RHPN2: variants seen among roughly 807,000 people sequenced by gnomAD.
The protein encoded by RHPN2 is rhophilin-2.
RHPN2 carries 40 observed loss-of-function variants against 79.0 expected under a neutral mutation model. The ratio of observed to expected loss-of-function variants is 0.51; its 90% CI spans 0.39 to 0.66. The LOEUF is 0.66. Ranked by LOEUF, RHPN2 falls within the 30% of genes least tolerant of loss-of-function variation. The pLI, the probability that RHPN2 is intolerant of heterozygous loss-of-function variation, is 0.00. For synonymous variants in RHPN2, 285 were observed against 363.5 expected (o/e 0.78, Z 2.46); for missense variants, 686 against 883.5 (o/e 0.78, Z 2.83).
At chr19:33,005,607 C>CAAA (rs576054331) in intron 7 of RHPN2, among the ~76,000 whole-genome samples, 29 of 62,452 alleles carry the variant, frequency 4.6e-4, no homozygotes, top group East Asian at 2.5e-3. Flanking sequence ...TGTTGCTGAG[C>CAAA]AAAAAAAAAA....
chr19:33,029,008 C>T (rs117574878), intron 2 of RHPN2, among the ~76,000 whole-genome samples: 2,023 of 151,858 alleles, frequency 0.013, 23 homozygotes, highest in Non-Finnish European at 0.022. Flanking sequence ...GGAGTGGTGG[C>T]GGACACCTAT....
At chr19:32,990,167 G>GAAAAAGAAAGAAAGAA (rs1491437447) in intron 14 of RHPN2, among the ~76,000 whole-genome samples, 4 of 144,898 alleles carry the variant, frequency 2.8e-5, no homozygotes, top group Admixed American at 1.4e-4. Context: ...GAAAGAAAGA[G>GAAAAAGAAAGAAAGAA]CGAGCCAGGG....
chr19:33,020,868 G>A (rs10409247), intron 4 of RHPN2, among the ~76,000 whole-genome samples: 34,912 of 152,088 alleles, frequency 0.23, 4,400 homozygotes, highest in African/African-American at 0.34. Flanking sequence ...ACAAGAATGC[G>A]CAGATGGACA....
At chr19:33,005,144 T>C (rs2145233358) in intron 7 of RHPN2, among the ~76,000 whole-genome samples, 1 of 151,802 alleles carries the variant, frequency 6.6e-6, no homozygotes, top group Non-Finnish European at 1.5e-5. Flanking sequence ...CCAGGCGTGG[T>C]GGCTCATGCC....
intron 2 of RHPN2, among the ~76,000 whole-genome samples, chr19:33,030,064 T>C (rs1356145253): frequency 1.3e-5 from 2 of 152,182 alleles, no homozygotes; most frequent in Non-Finnish European, 2.9e-5. Flanking sequence ...ACACCATTTG[T>C]ACAAACAGTT....
In RHPN2 at chr19:32,996,044, C is replaced by A. The variant is rs148084786; in HGVS notation, c.1402G>T (p.Asp468Tyr). The change falls in exon 11 of 15, where the codon GAC becomes TAC. Residue 468 changes from aspartate to tyrosine, a missense_variant. Coordinates refer to ENST00000254260, the MANE Select transcript of RHPN2 (RefSeq NM_033103.5). ...TACTCACCAACAACACTGGGGGCGT[C>A]GATCAGGTTCAGCAGGTCATCCTCC... ...QEEDDLLNLI[D>Y]APSVVAKTEQ... 1 of 1,613,968 alleles carries A rather than the reference C, an allele frequency of 6.2e-7. No homozygotes were observed. Among genetic ancestry groups the A allele is most frequent in the Non-Finnish European group, 8.5e-7 (1 of 1,179,858 alleles).
At chr19:33,002,503 C>T in intron 8 of RHPN2, 100 bp from the exon 9 acceptor site, 1 of 1,455,794 alleles carries the variant, frequency 6.9e-7, no homozygotes, top group Non-Finnish European at 9.6e-7. Context: ...TGCAACAGCC[C>T]CTGCCAGGGG....
intron 1 of RHPN2, among the ~76,000 whole-genome samples, chr19:33,059,751 T>C (rs1233653397): frequency 1.3e-5 from 2 of 152,116 alleles, no homozygotes; most frequent in Non-Finnish European, 2.9e-5. Flanking sequence ...TCTCCAACCA[T>C]GCATTTCCTA....
At chr19:32,992,513 C>CT (rs1835054752) in intron 12 of RHPN2, among the ~76,000 whole-genome samples, 2 of 152,054 alleles carry the variant, frequency 1.3e-5, no homozygotes, top group Non-Finnish European at 2.9e-5. Flanking sequence ...AATAAAATCT[C>CT]TAATATAAAA....
chr19:33,033,548 G>C (rs1480998941), intron 2 of RHPN2, among the ~76,000 whole-genome samples: 14 of 145,588 alleles, frequency 9.6e-5, no homozygotes, highest in Admixed American at 8.2e-4. Context: ...CCTGGCGACA[G>C]AGCGAGTCTC....
Position 33,032,697 on chromosome 19 carries a change from C to T in RHPN2, c.186-6065G>A, listed in dbSNP as rs563751693. On this transcript the variant is annotated intron_variant, in intron 2 of 14. Coordinates refer to ENST00000254260, the MANE Select transcript of RHPN2 (RefSeq NM_033103.5). ...TGCTACAAAGAGCTTATTGAGAAAA[C>T]GACTGATCCTGTAGCTGATAATGTT... is the stretch of plus-strand genomic sequence containing the variant. 5.4e-4 allele frequency among the ~76,000 whole-genome samples: 82 copies of T among 152,248 alleles called. No individual in the cohort carries two copies. The South Asian group carries it at 0.013, about 25-fold the overall frequency.
chr19:33,005,697 C>G (rs1971785405), intron 7 of RHPN2, among the ~76,000 whole-genome samples: 1 of 151,778 alleles, frequency 6.6e-6, no homozygotes, highest in Non-Finnish European at 1.5e-5. Context: ...TCACACTCCC[C>G]ACTGTTCTCC....
intron 3 of RHPN2, among the ~76,000 whole-genome samples, chr19:33,025,986 T>TTG (rs199732902): frequency 2.7e-5 from 4 of 146,586 alleles, no homozygotes; most frequent in African/African-American, 7.9e-5. Flanking sequence ...CATTTGTTTT[T>TTG]TTTTTTTTTT....
At chr19:33,046,812 C>T (rs1476529630) in intron 1 of RHPN2, among the ~76,000 whole-genome samples, 1 of 152,038 alleles carries the variant, frequency 6.6e-6, no homozygotes, top group Non-Finnish European at 1.5e-5. Flanking sequence ...AACTTATTGG[C>T]CAACTGTATA....
chr19:32,983,746 C>G (rs1049512295), intron 14 of RHPN2, among the ~76,000 whole-genome samples: 3 of 151,488 alleles, frequency 2.0e-5, no homozygotes, highest in African/African-American at 4.9e-5. Context: ...CCTGCCTCAG[C>G]CTCCCAAGTA....
At chr19:33,006,633 C>T (rs1228808532) in intron 7 of RHPN2, among the ~76,000 whole-genome samples, 5 of 152,218 alleles carry the variant, frequency 3.3e-5, no homozygotes, top group African/African-American at 1.2e-4. Context: ...CCTGCTCTTG[C>T]ATCCATCCCC....
In RHPN2 at chr19:32,997,317, C is replaced by G. The variant is rs544517468; in HGVS notation, c.1226-1097G>C. On this transcript the variant is annotated intron_variant, in intron 10 of 14. Coordinates refer to ENST00000254260, the MANE Select transcript of RHPN2 (RefSeq NM_033103.5). Reference sequence around the variant, plus strand: ...TAAAGCAACGAGTAAACAAACTGCCCCCACATTCATGGAGTTTACATGTAG... The same window carrying G: ...TAAAGCAACGAGTAAACAAACTGCCGCCACATTCATGGAGTTTACATGTAG... 7.9e-5 allele frequency among the ~76,000 whole-genome samples: 12 copies of G among 152,250 alleles called. No individual in the cohort carries two copies. The South Asian group carries it at 8.3e-4, about 11-fold the overall frequency.
intron 10 of RHPN2, among the ~76,000 whole-genome samples, chr19:32,998,095 G>A (rs1415545223): frequency 1.3e-5 from 2 of 152,176 alleles, no homozygotes; most frequent in Non-Finnish European, 2.9e-5. Context: ...GGCTCTGAAG[G>A]GGCAGCAGGA....
Position 33,044,322 on chromosome 19 carries a change from T to G in RHPN2, c.112A>C (p.Asn38His), listed in dbSNP as rs746656887. 1 of 1,614,116 alleles carries G rather than the reference T, an allele frequency of 6.2e-7. No individual in the cohort carries two copies. The highest frequency in any genetic ancestry group is 8.5e-7 in the Non-Finnish European group (1 of 1,180,012). The stretch of plus-strand genomic sequence containing the variant: ...TGCTGATTCAAAGCAGCTCTTTGAT[T>G]CTGCAATTTACTCCGGCCGGTTTGT... Reference protein sequence around the residue: ...LAQTGRSKLQNQRAALNQQIL... With the variant: ...LAQTGRSKLQHQRAALNQQIL... The change falls in exon 2 of 15, where the codon AAT becomes CAT. Residue 38 changes from asparagine to histidine, a missense_variant. Coordinates refer to ENST00000254260, the MANE Select transcript of RHPN2 (RefSeq NM_033103.5).
Sources: allele counts gnomAD v4.1 joint callset (sites outside exome capture counted in the v4.1 genomes callset), GRCh38; gene constraint gnomAD v4.1.1; transcripts MANE v1.5; gene names NCBI Gene and HGNC (gene_info 2026-07-23, HGNC 2026-07-21).